CCDC166: variants seen among roughly 807,000 people sequenced by gnomAD.
The protein encoded by CCDC166 is coiled-coil domain containing 166.
Under a neutral mutation model 14.4 loss-of-function variants are expected in CCDC166, and 17 were observed. The observed-to-expected ratio is 1.18, with a 90% confidence interval of 0.81 to 1.77. CCDC166 has a LOEUF of 1.77. Ranked by LOEUF, CCDC166 falls within the 40% of genes most tolerant of loss-of-function variation. The probability of loss-of-function intolerance (pLI) is 0.00; values close to 1 mark genes in which losing one functional copy is unlikely to be tolerated. For missense variants in CCDC166, 738 were observed against 665.8 expected, an observed-to-expected ratio of 1.11 and a Z score of -1.19; for synonymous variants, 336 against 330.1, an observed-to-expected ratio of 1.02 and a Z score of -0.20.
At position 143,707,268 on chromosome 8, in the gene CCDC166, A is replaced by G; in HGVS notation, c.746T>C (p.Leu249Pro). Residue 249 changes from leucine (L) to proline (P), a missense_variant, in exon 2 of 2, where the codon CTG becomes CCG. Leu to Pro is a moderately conservative substitution (Grantham distance 98, BLOSUM62 -3). Transcript: ENST00000542437. The surrounding 1 kb of genome is among the most constrained non-coding windows in gnomAD (Gnocchi z 8.0). ...GCGGTGCAGTTGCTCGCGCTGTTCC[A>G]GCAGCTGGCGCCGCGTGTGGTGCAG... The part of the protein sequence containing the change: ...QLLHHTRRQL[L>P]EQREQLHREH... 6.9e-7 allele frequency: 1 copy of G among 1,450,688 alleles called. No homozygotes were observed. The highest frequency in any genetic ancestry group is 9.0e-7 in the Non-Finnish European group (1 of 1,106,144). The allele number at this position is 1,450,688 out of a possible 1,614,324, so 89.9% of individuals were successfully genotyped here.
chr8:143,707,672 G>C lies in CCDC166; in HGVS notation c.438C>G (p.Pro146=). 6.9e-7 allele frequency: 1 copy of C among 1,441,456 alleles called. No homozygotes were observed. The highest frequency in any genetic ancestry group is 9.1e-7 in the Non-Finnish European group (1 of 1,099,784). The allele number at this position is 1,441,456 out of a possible 1,614,324, so 89.3% of individuals were successfully genotyped here. ...QMAQQVQELQ[P]YKVLQLEQLA... The stretch of plus-strand genomic sequence containing the variant: ...CGCGGGCGGGCTCACTGGCCTTGTA[G>C]GGCTGCAGCTCTTGCACCTGCTGTG... Residue 146 remains proline, a synonymous_variant, in exon 1 of 2, where the codon CCC becomes CCG. Coordinates refer to ENST00000542437, the MANE Select transcript of CCDC166 (RefSeq NM_001162914.1). This position sits in a 1 kb window ranked among gnomAD's most constrained non-coding sequence, Gnocchi z 8.0.
In CCDC166 at chr8:143,707,859, G is replaced by C; in HGVS notation, c.251C>G (p.Ala84Gly). 12 of 1,537,886 alleles carry C rather than the reference G, an allele frequency of 7.8e-6. No homozygotes were observed. Among genetic ancestry groups the C allele is most frequent in the Non-Finnish European group, 1.0e-5 (12 of 1,145,950 alleles). The change falls in exon 1 of 2, where the codon GCC (alanine) becomes GGC (glycine). Residue 84 changes from alanine to glycine, a missense_variant. By Grantham distance (60) the Ala-to-Gly change is moderately conservative. Transcript: ENST00000542437. This position sits in a 1 kb window ranked among gnomAD's most constrained non-coding sequence, Gnocchi z 8.0. ...RLYASYVSAR[A>G]QRCAKAIVRL... The stretch of plus-strand genomic sequence containing the variant: ...GACGATGGCTTTGGCGCAGCGCTGG[G>C]CGCGCGCGCTCACGTAGCTGGCGTA...
chr8:143,707,410 C>A lies in CCDC166; in HGVS notation c.604G>T (p.Ala202Ser). The A allele has an allele frequency of 6.9e-7, 1 of 1,451,346 alleles. No individual in the cohort carries two copies. The highest frequency in any genetic ancestry group is 9.0e-7 in the Non-Finnish European group (1 of 1,110,682). 89.9% of individuals were successfully genotyped at this position (1,451,346 alleles called of 1,614,324 possible). A position where few individuals can be genotyped will look rare whatever the true frequency, so the allele number is the denominator to read the frequency against. Residue 202 changes from alanine to serine, a missense_variant, in exon 2 of 2, where the codon GCG (alanine) becomes TCG (serine). Transcript: ENST00000542437. This position sits in a 1 kb window ranked among gnomAD's most constrained non-coding sequence, Gnocchi z 8.0. Reference protein sequence around the residue: ...REARQRVQSLARRAEREAVRA... With the variant: ...REARQRVQSLSRRAEREAVRA... ...ACCGCCTCCCGCTCCGCGCGCCGCG[C>A]CAGTGACTGCACGCGCTGACGCGCC...
rs1212302983 is a variant in CCDC166 at position 143,707,201 on chromosome 8, C to A, written c.813G>T (p.Trp271Cys). 1.4e-6 allele frequency: 2 copies of A among 1,383,990 alleles called. No individual in the cohort carries two copies. The highest frequency in any genetic ancestry group is 1.5e-5 in the African/African-American group (1 of 65,020). The allele number at this position is 1,383,990 out of a possible 1,614,324, so 85.7% of individuals were successfully genotyped here. The change falls in exon 2 of 2, where the codon TGG becomes TGT. Residue 271 changes from tryptophan (W) to cysteine (C), a missense_variant. Coordinates refer to ENST00000542437, the MANE Select transcript of CCDC166 (RefSeq NM_001162914.1). This position sits in a 1 kb window ranked among gnomAD's most constrained non-coding sequence, Gnocchi z 8.0. ...DTRDLARVHG[W>C]LRRGPGGPPL... Reference sequence around the variant, plus strand: ...GCGGGCCTCCGGGGCCCCTGCGCAGCCAGCCGTGCACACGCGCCAGGTCCC... The same window carrying A: ...GCGGGCCTCCGGGGCCCCTGCGCAGACAGCCGTGCACACGCGCCAGGTCCC...
chr8:143,707,938 C>T lies in CCDC166; in HGVS notation c.172G>A (p.Glu58Lys). 6.5e-7 allele frequency: 1 copy of T among 1,537,398 alleles called. No individual in the cohort carries two copies. Among genetic ancestry groups the T allele is most frequent in the Non-Finnish European group, 8.7e-7 (1 of 1,146,608 alleles). ...GCCTCGCGGTCCAGGAAGGCGTTCT[C>T]TCGCAGCACCTGGTCAACGCTCTCC... is the stretch of plus-strand genomic sequence containing the variant. ...CEESVDQVLR[E>K]NAFLDREALR... The change falls in exon 1 of 2, where the codon GAG becomes AAG. Residue 58 changes from glutamate to lysine, a missense_variant. Glu to Lys is a moderately conservative substitution (Grantham distance 56). Transcript: ENST00000542437. The surrounding 1 kb of genome is among the most constrained non-coding windows in gnomAD (Gnocchi z 8.0).
rs1006078009 is a variant in CCDC166, at chr8:143,707,456, G to A, written c.558C>T (p.Asp186=). The A allele has an allele frequency of 2.7e-6, 4 of 1,476,722 alleles. No individual in the cohort carries two copies. The African/African-American group carries it at 5.9e-5, about 22-fold the overall frequency. 91.5% of individuals were successfully genotyped at this position (1,476,722 alleles called of 1,614,324 possible). A position where few individuals can be genotyped will look rare whatever the true frequency, so the allele number is the denominator to read the frequency against. ...GCGCCTCGCGCTCGAAGGCCGCCTT[G>A]TCCTCCAGGAAGCGCCGCTTCACGC... ...LHRVKRRFLE[D]KAAFEREARQ... The change falls in exon 2 of 2, where the codon GAC becomes GAT. Residue 186 remains aspartate (D), a synonymous_variant. Coordinates refer to ENST00000542437, the MANE Select transcript of CCDC166 (RefSeq NM_001162914.1). The surrounding 1 kb of genome is among the most constrained non-coding windows in gnomAD (Gnocchi z 8.0).
Position 143,707,581 on chromosome 8 carries a change from G to A in CCDC166, c.445-12C>T, listed in dbSNP as rs1554616849. The stretch of plus-strand genomic sequence containing the variant: ...TCCAGCTGCAGCACCTGCGGCGGGG[G>A]CGCCGTCAGCTCACCCCCACCCCGC... On this transcript the variant is annotated splice_polypyrimidine_tract_variant and intron_variant, in intron 1 of 1. Coordinates refer to ENST00000542437, the MANE Select transcript of CCDC166 (RefSeq NM_001162914.1). The surrounding 1 kb of genome is among the most constrained non-coding windows in gnomAD (Gnocchi z 8.0). 1.3e-5 allele frequency: 17 copies of A among 1,326,780 alleles called. No homozygotes were observed. Among genetic ancestry groups the A allele is most frequent in the South Asian group, 1.2e-4 (6 of 50,952 alleles). The allele number at this position is 1,326,780 out of a possible 1,614,324, so 82.2% of individuals were successfully genotyped here.
In CCDC166 at chr8:143,706,935, G is replaced by A. The variant is rs1162689234; in HGVS notation, c.1079C>T (p.Ser360Phe). The change falls in exon 2 of 2, where the codon TCC becomes TTC. Residue 360 changes from serine (S) to phenylalanine (F), a missense_variant. Physicochemically the swap from Ser to Phe is radical, Grantham distance 155. Transcript: ENST00000542437. ...GGAGCCTGCGCGCGAAGCGGTCAGG[G>A]ATGGCATCCGGGATCCCACCTTTGA... is the stretch of plus-strand genomic sequence containing the variant. ...ATSKVGSRMPSLTASRAGSRA... is the reference protein window; with the variant it reads ...ATSKVGSRMPFLTASRAGSRA... 6.5e-7 allele frequency: 1 copy of A among 1,548,350 alleles called. No homozygotes were observed. The highest frequency in any genetic ancestry group is 8.7e-7 in the Non-Finnish European group (1 of 1,146,922).
Position 143,707,989 on chromosome 8 carries a change from G to A in CCDC166, c.121C>T (p.Leu41Phe). 1.3e-6 allele frequency: 2 copies of A among 1,530,334 alleles called. No individual in the cohort carries two copies. The highest frequency in any genetic ancestry group is 1.8e-6 in the Non-Finnish European group (2 of 1,142,148). 94.8% of individuals were successfully genotyped at this position (1,530,334 alleles called of 1,614,324 possible). Residue 41 changes from leucine (L) to phenylalanine (F), a missense_variant, in exon 1 of 2, where the codon CTC becomes TTC. Coordinates refer to ENST00000542437, the MANE Select transcript of CCDC166 (RefSeq NM_001162914.1). The surrounding 1 kb of genome is among the most constrained non-coding windows in gnomAD (Gnocchi z 8.0). ...TCGCAGGTGTCCAGCTGCTCCGAGA[G>A]CAGCGCGTGTTCGCGTTGCAGGTAC... ...AQYLQREHAL[L>F]SEQLDTCEES...
rs190740424 is a variant in CCDC166, at chr8:143,706,734, T to C, written c.1280A>G (p.Asn427Ser). 6.4e-4 allele frequency: 998 copies of C among 1,549,582 alleles called. 3 individuals carry two copies. The highest frequency in any genetic ancestry group is 7.9e-4 in the Non-Finnish European group (900 of 1,146,070). ...GGAGGCTTCTGCCGCAGCTTCAGCGTTCACGCTGTCCTCCGACTGTGGGGG... is the reference window on the plus strand; with the variant it reads ...GGAGGCTTCTGCCGCAGCTTCAGCGCTCACGCTGTCCTCCGACTGTGGGGG... ...LLPPQSEDSV[N>S]AEAAAEASPG... Residue 427 changes from asparagine (N) to serine (S), a missense_variant, in exon 2 of 2, where the codon AAC becomes AGC. Transcript: ENST00000542437.
chr8:143,707,841 G>C lies in CCDC166; in HGVS notation c.269C>G (p.Ala90Gly), dbSNP rs2131558095. The C allele has an allele frequency of 6.5e-7, 1 of 1,538,802 alleles. No homozygotes were observed. The highest frequency in any genetic ancestry group is 2.0e-5 in the Admixed American group (1 of 50,944). The change falls in exon 1 of 2, where the codon GCC (alanine) becomes GGC (glycine). Residue 90 changes from alanine (A) to glycine (G), a missense_variant. Coordinates refer to ENST00000542437, the MANE Select transcript of CCDC166 (RefSeq NM_001162914.1). This position sits in a 1 kb window ranked among gnomAD's most constrained non-coding sequence, Gnocchi z 8.0. ...VSARAQRCAKAIVRLDEQNRV... is the reference protein window; with the variant it reads ...VSARAQRCAKGIVRLDEQNRV... ...GTTCTGCTCGTCCAGCCGGACGATGGCTTTGGCGCAGCGCTGGGCGCGCGC... is the reference window on the plus strand; with the variant it reads ...GTTCTGCTCGTCCAGCCGGACGATGCCTTTGGCGCAGCGCTGGGCGCGCGC...
rs1554616685 is a variant in CCDC166 at position 143,707,049 on chromosome 8, G to GC, written c.964dup (p.Ala322GlyfsTer108). On this transcript the variant is annotated frameshift_variant, in exon 2 of 2. Transcript: ENST00000542437. LOFTEE classifies it low-confidence loss of function (END_TRUNC). This position sits in a 1 kb window ranked among gnomAD's most constrained non-coding sequence, Gnocchi z 8.0. ...CTCGCGCGACGGGACCACGGACGAG[G>GC]CCCGGGGGGCCGCGCGCGACGGTAC... 1.3e-6 allele frequency: 2 copies of GC among 1,534,442 alleles called. No homozygotes were observed. Among genetic ancestry groups the GC allele is most frequent in the East Asian group, 4.9e-5 (2 of 40,784 alleles).
Position 143,706,989 on chromosome 8 carries a change from A to G in CCDC166, c.1025T>C (p.Met342Thr). Residue 342 changes from methionine (M) to threonine (T), a missense_variant, in exon 2 of 2, where the codon ATG becomes ACG. Met to Thr is a moderately conservative substitution (Grantham distance 81). Transcript: ENST00000542437. ...SRVPSLVLSSMDSRVPSLATS... is the reference protein window; with the variant it reads ...SRVPSLVLSSTDSRVPSLATS... ...GGCCAGCGATGGGACCCTGGAGTCC[A>G]TGCTCGATAGCACCAACGAGGGGAC... 1 of 1,540,438 alleles carries G rather than the reference A, an allele frequency of 6.5e-7. No homozygotes were observed. Among genetic ancestry groups the G allele is most frequent in the African/African-American group, 1.4e-5 (1 of 73,112 alleles).
Position 143,707,729 on chromosome 8 carries a change from C to T in CCDC166, c.381G>A (p.Leu127=). 2.0e-6 allele frequency: 3 copies of T among 1,528,942 alleles called. No individual in the cohort carries two copies. Among genetic ancestry groups the T allele is most frequent in the African/African-American group, 1.4e-5 (1 of 72,562 alleles). 94.7% of individuals were successfully genotyped at this position (1,528,942 alleles called of 1,614,324 possible). A position where few individuals can be genotyped will look rare whatever the true frequency, so the allele number is the denominator to read the frequency against. The change falls in exon 1 of 2, where the codon CTG becomes CTA. Residue 127 remains leucine, a synonymous_variant. Coordinates refer to ENST00000542437, the MANE Select transcript of CCDC166 (RefSeq NM_001162914.1). This position sits in a 1 kb window ranked among gnomAD's most constrained non-coding sequence, Gnocchi z 8.0. The part of the protein sequence containing the change: ...HGREDGVRAQ[L]LEMEARAAQM... ...GTGCCGCGCGCGCCTCCATCTCCAA[C>T]AGCTGCGCGCGCACCCCGTCCTCGC...
At position 143,707,762 on chromosome 8, in the gene CCDC166, G is replaced by A. The variant is rs782031440; in HGVS notation, c.348C>T (p.Tyr116=). ...CGCGCACCCCGTCCTCGCGCCCGTG[G>A]TAGAGCGAGGCCAGTTCCGCCCGCT... ...HWQRAELASL[Y]HGREDGVRAQ... Residue 116 remains tyrosine, a synonymous_variant, in exon 1 of 2, where the codon TAC becomes TAT. Coordinates refer to ENST00000542437, the MANE Select transcript of CCDC166 (RefSeq NM_001162914.1). This position sits in a 1 kb window ranked among gnomAD's most constrained non-coding sequence, Gnocchi z 8.0. The A allele has an allele frequency of 9.1e-6, 14 of 1,538,354 alleles. No homozygotes were observed. The highest frequency in any genetic ancestry group is 4.4e-6 in the Non-Finnish European group (5 of 1,145,328).
At position 143,707,880 on chromosome 8, in the gene CCDC166, G is replaced by C; in HGVS notation, c.230C>G (p.Ala77Gly). The change falls in exon 1 of 2, where the codon GCC becomes GGC. Residue 77 changes from alanine (A) to glycine (G), a missense_variant. Coordinates refer to ENST00000542437, the MANE Select transcript of CCDC166 (RefSeq NM_001162914.1). The surrounding 1 kb of genome is among the most constrained non-coding windows in gnomAD (Gnocchi z 8.0). ...LRLREENRLYASYVSARAQRC... is the reference protein window; with the variant it reads ...LRLREENRLYGSYVSARAQRC... Reference sequence around the variant, plus strand: ...CTGGGCGCGCGCGCTCACGTAGCTGGCGTAGAGCCGGTTCTCCTCGCGCAG... The same window carrying C: ...CTGGGCGCGCGCGCTCACGTAGCTGCCGTAGAGCCGGTTCTCCTCGCGCAG... The C allele has an allele frequency of 1.3e-6, 2 of 1,538,030 alleles. No individual in the cohort carries two copies. The highest frequency in any genetic ancestry group is 1.7e-6 in the Non-Finnish European group (2 of 1,146,446).
chr8:143,707,991 A>T lies in CCDC166; in HGVS notation c.119T>A (p.Leu40Gln). 1 of 1,529,754 alleles carries T rather than the reference A, an allele frequency of 6.5e-7. No homozygotes were observed. Among genetic ancestry groups the T allele is most frequent in the Non-Finnish European group, 8.8e-7 (1 of 1,141,794 alleles). The allele number at this position is 1,529,754 out of a possible 1,614,324, so 94.8% of individuals were successfully genotyped here. The change falls in exon 1 of 2, where the codon CTG (leucine) becomes CAG (glutamine). Residue 40 changes from leucine to glutamine, a missense_variant. By Grantham distance (113) the Leu-to-Gln change is moderately radical (BLOSUM62 -2). Coordinates refer to ENST00000542437, the MANE Select transcript of CCDC166 (RefSeq NM_001162914.1). This position sits in a 1 kb window ranked among gnomAD's most constrained non-coding sequence, Gnocchi z 8.0. ...RAQYLQREHA[L>Q]LSEQLDTCEE... The stretch of plus-strand genomic sequence containing the variant: ...GCAGGTGTCCAGCTGCTCCGAGAGC[A>T]GCGCGTGTTCGCGTTGCAGGTACTG...
In CCDC166 at chr8:143,707,259, C is replaced by G. The variant is rs1382621173; in HGVS notation, c.755G>C (p.Arg252Pro). The change falls in exon 2 of 2, where the codon CGC becomes CCC. Residue 252 changes from arginine to proline, a missense_variant. Transcript: ENST00000542437. The surrounding 1 kb of genome is among the most constrained non-coding windows in gnomAD (Gnocchi z 8.0). ...HHTRRQLLEQ[R>P]EQLHREHEDT... is the part of the protein sequence containing the mutation. ...CTCGTGCTCGCGGTGCAGTTGCTCG[C>G]GCTGTTCCAGCAGCTGGCGCCGCGT... The G allele has an allele frequency of 1.4e-6, 2 of 1,450,682 alleles. No individual in the cohort carries two copies. The highest frequency in any genetic ancestry group is 3.0e-5 in the African/African-American group (2 of 67,080). 89.9% of individuals were successfully genotyped at this position (1,450,682 alleles called of 1,614,324 possible). A position where few individuals can be genotyped will look rare whatever the true frequency, so the allele number is the denominator to read the frequency against.
At position 143,707,896 on chromosome 8, in the gene CCDC166, C is replaced by T. The variant is rs1554616972; in HGVS notation, c.214G>A (p.Glu72Lys). 1 of 1,537,726 alleles carries T rather than the reference C, an allele frequency of 6.5e-7. No homozygotes were observed. Among genetic ancestry groups the T allele is most frequent in the African/African-American group, 1.4e-5 (1 of 72,972 alleles). ...ACGTAGCTGGCGTAGAGCCGGTTCT[C>T]CTCGCGCAGGCGCAGCGCCTCGCGG... ...LDREALRLRE[E>K]NRLYASYVSA... The change falls in exon 1 of 2, where the codon GAG becomes AAG. Residue 72 changes from glutamate to lysine, a missense_variant. Physicochemically the swap from Glu to Lys is moderately conservative, Grantham distance 56 (BLOSUM62 1). Coordinates refer to ENST00000542437, the MANE Select transcript of CCDC166 (RefSeq NM_001162914.1). The surrounding 1 kb of genome is among the most constrained non-coding windows in gnomAD (Gnocchi z 8.0).
Sources: allele counts gnomAD v4.1 joint callset, GRCh38; gene constraint gnomAD v4.1.1; non-coding constraint Gnocchi (gnomAD v3.1); transcripts MANE v1.5; gene names NCBI Gene and HGNC (gene_info 2026-07-23, HGNC 2026-07-21).